The following CIPC variants were observed in gnomAD, a reference collection of about 807,000 sequenced individuals.
CIPC encodes the protein CLOCK-interacting pacemaker.
CIPC carries 12 observed loss-of-function variants against 26.7 expected under a neutral mutation model. That is an observed-to-expected ratio of 0.45 (90% CI 0.29 to 0.73). The LOEUF (loss-of-function observed/expected upper bound fraction) is 0.73, where lower values mean the gene tolerates loss of function less well. Ranked by LOEUF, CIPC falls within the 30% of genes least tolerant of loss-of-function variation. The probability of loss-of-function intolerance (pLI) is 0.12; values close to 1 mark genes in which losing one functional copy is unlikely to be tolerated. For missense variants in CIPC, 417 were observed against 486.5 expected (o/e 0.86, Z 1.34); for synonymous variants, 170 against 189.8 (o/e 0.90, Z 0.86).
intron 3 of CIPC, 65 bp from the exon 4 acceptor site, chr14:77,113,360 A>C (rs1302102419): frequency 6.3e-7 from 1 of 1,577,708 alleles, no homozygotes; most frequent in East Asian, 2.2e-5. Context: ...CCTTTGACAG[A>C]AGCTTCACTC....
rs758589499 is a variant in CIPC at position 77,116,962 on chromosome 14, T to C, written c.*2644T>C. 1 of 152,244 alleles carries C rather than the reference T, an allele frequency of 6.6e-6. No homozygotes were observed. The highest frequency in any genetic ancestry group is 1.5e-5 in the Non-Finnish European group (1 of 68,052). 9.4% of individuals were successfully genotyped at this position (152,244 alleles called of 1,614,324 possible). On this transcript the variant is annotated 3_prime_UTR_variant, in exon 4 of 4. Coordinates refer to ENST00000361786, the MANE Select transcript of CIPC (RefSeq NM_033426.3). The stretch of plus-strand genomic sequence containing the variant: ...CTCAGAGCAACCCTTAAGAGAACTT[T>C]TGGCAGATTTTGTTGGCATTATTGA...
intron 1 of CIPC, among the ~76,000 whole-genome samples, chr14:77,102,117 A>G (rs1163810134): frequency 6.6e-6 from 1 of 152,124 alleles, no homozygotes; most frequent in Non-Finnish European, 1.5e-5. Context: ...CAAAAAGAGT[A>G]TGATCTAATA....
At position 77,114,347 on chromosome 14, in the gene CIPC, G is replaced by A. The variant is rs1886766563; in HGVS notation, c.*29G>A. 3 of 1,556,386 alleles carry A rather than the reference G, an allele frequency of 1.9e-6. No individual in the cohort carries two copies. Among genetic ancestry groups the A allele is most frequent in the Admixed American group, 2.0e-5 (1 of 49,232 alleles). ...AGAGGCATATTTTCCTGTTACTTGAGTGGTTCTTTTAGCTCATTTGCTGTT... is the reference window on the plus strand; with the variant it reads ...AGAGGCATATTTTCCTGTTACTTGAATGGTTCTTTTAGCTCATTTGCTGTT... On this transcript the variant is annotated 3_prime_UTR_variant, in exon 4 of 4. Transcript: ENST00000361786.
chr14:77,110,653 T>C (rs1886680038), intron 3 of CIPC, among the ~76,000 whole-genome samples: 1 of 151,850 alleles, frequency 6.6e-6, no homozygotes, highest in Non-Finnish European at 1.5e-5. Flanking sequence ...CTCTAGTGTT[T>C]GAAACTGAGA....
chr14:77,114,269 G>A lies in CIPC; in HGVS notation c.1151G>A (p.Ser384Asn), dbSNP rs757804600. Residue 384 changes from serine to asparagine, a missense_variant, in exon 4 of 4, where the codon AGT becomes AAT. Coordinates refer to ENST00000361786, the MANE Select transcript of CIPC (RefSeq NM_033426.3). ...CAGGCATCTTTAACACCTGGGTCCA[G>A]TAATACAGGCAGTGACCTAGAAGCA... ...KLQASLTPGSSNTGSDLEAFS... is the reference protein window; with the variant it reads ...KLQASLTPGSNNTGSDLEAFS... The A allele has an allele frequency of 3.7e-6, 6 of 1,613,744 alleles. No individual in the cohort carries two copies. Among genetic ancestry groups the A allele is most frequent in the Admixed American group, 1.7e-5 (1 of 59,934 alleles).
chr14:77,112,312 G>A (rs202038788), intron 3 of CIPC, among the ~76,000 whole-genome samples: 10 of 152,218 alleles, frequency 6.6e-5, no homozygotes, highest in East Asian at 5.8e-4. Context: ...ATTAGATTTC[G>A]TCTGAATCAA....
intron 3 of CIPC, among the ~76,000 whole-genome samples, chr14:77,112,117 A>G (rs1396224162): frequency 4.6e-5 from 7 of 152,194 alleles, no homozygotes; most frequent in South Asian, 2.1e-4. Flanking sequence ...GCGCATGTAC[A>G]TGTATGGGAA....
intron 1 of CIPC, among the ~76,000 whole-genome samples, chr14:77,100,240 CTTTTTTTTTT>C (rs57785837): frequency 1.5e-5 from 2 of 130,522 alleles, no homozygotes; most frequent in African/African-American, 5.8e-5. Flanking sequence ...TTCTTTCTTT[CTTTTTTTTTT>C]TTTTTTTTTG....
intron 1 of CIPC, among the ~76,000 whole-genome samples, chr14:77,102,418 C>G (rs980035876): frequency 1.3e-5 from 2 of 152,166 alleles, no homozygotes; most frequent in African/African-American, 4.8e-5. Flanking sequence ...AAGTGCCATA[C>G]TTGGGAGTAT....
chr14:77,099,435 C>T (rs1401440630), intron 1 of CIPC, among the ~76,000 whole-genome samples: 1 of 152,178 alleles, frequency 6.6e-6, no homozygotes, highest in Non-Finnish European at 1.5e-5. Flanking sequence ...GGTTTTTCCA[C>T]TGTTAAGATA....
At position 77,113,895 on chromosome 14, in the gene CIPC, C is replaced by T. The variant is rs773721062; in HGVS notation, c.777C>T (p.Phe259=). 11 of 1,613,968 alleles carry T rather than the reference C, an allele frequency of 6.8e-6. No homozygotes were observed. The highest frequency in any genetic ancestry group is 5.3e-5 in the African/African-American group (4 of 74,924). ...SHVAKAPSLT[F]ASPASPVCAS... ...TGGCTAAAGCTCCCAGTCTGACCTT[C>T]GCTTCCCCCGCCAGTCCTGTCTGCG... Residue 259 remains phenylalanine, a synonymous_variant, in exon 4 of 4, where the codon TTC becomes TTT. Coordinates refer to ENST00000361786, the MANE Select transcript of CIPC (RefSeq NM_033426.3).
Position 77,113,480 on chromosome 14 carries a change from TCTCAG to T in CIPC, c.364_368del (p.Ser122ThrfsTer22). 1 of 1,614,180 alleles carries T rather than the reference TCTCAG, an allele frequency of 6.2e-7. No homozygotes were observed. Among genetic ancestry groups the T allele is most frequent in the Non-Finnish European group, 8.5e-7 (1 of 1,180,032 alleles). On this transcript the variant is annotated frameshift_variant, in exon 4 of 4. Coordinates refer to ENST00000361786, the MANE Select transcript of CIPC (RefSeq NM_033426.3). LOFTEE classifies it high-confidence loss of function. ...ACTGTCCAGCCCTCCTTTGAAGTGA[TCTCAG>T]CACAGCCACAGCTCTTATTCCTTCA...
chr14:77,116,046 C>T lies in CIPC; in HGVS notation c.*1728C>T, dbSNP rs750653648. The T allele has an allele frequency of 2.0e-5, 3 of 152,152 alleles. No individual in the cohort carries two copies. The highest frequency in any genetic ancestry group is 4.4e-5 in the Non-Finnish European group (3 of 68,032). 9.4% of individuals were successfully genotyped at this position (152,152 alleles called of 1,614,324 possible). ...AGACCAGAAGTTAAATATGACATTT[C>T]CTAGGTAGTTGTAACTCTAACATAG... On this transcript the variant is annotated 3_prime_UTR_variant, in exon 4 of 4. Coordinates refer to ENST00000361786, the MANE Select transcript of CIPC (RefSeq NM_033426.3).
At chr14:77,107,108 T>C (rs532523477) in intron 2 of CIPC, among the ~76,000 whole-genome samples, 1 of 152,264 alleles carries the variant, frequency 6.6e-6, no homozygotes, top group Non-Finnish European at 1.5e-5. Flanking sequence ...TGGGAAACAC[T>C]GGAGGCCTAG....
At chr14:77,112,038 A>G (rs973234591) in intron 3 of CIPC, among the ~76,000 whole-genome samples, 1 of 152,202 alleles carries the variant, frequency 6.6e-6, no homozygotes, top group African/African-American at 2.4e-5. Context: ...CAGCCTTTGC[A>G]TGGGAAATGA....
intron 2 of CIPC, among the ~76,000 whole-genome samples, chr14:77,108,700 A>G (rs1179937111): frequency 6.6e-6 from 1 of 152,136 alleles, no homozygotes; most frequent in Non-Finnish European, 1.5e-5. Context: ...TCAAAAAAAA[A>G]AAGGGGGTGA....
chr14:77,113,739 T>C lies in CIPC; in HGVS notation c.621T>C (p.Ala207=), dbSNP rs775635738. 1.2e-6 allele frequency: 2 copies of C among 1,612,648 alleles called. No individual in the cohort carries two copies. The highest frequency in any genetic ancestry group is 1.7e-5 in the Admixed American group (1 of 59,974). The change falls in exon 4 of 4, where the codon GCT becomes GCC. Residue 207 remains alanine (A), a synonymous_variant. Coordinates refer to ENST00000361786, the MANE Select transcript of CIPC (RefSeq NM_033426.3). ...CCAGTGAGCCAACCAAGGCTGGTGC[T>C]GTCCCATCCAGTCCCTCGACGCCAG... is the stretch of plus-strand genomic sequence containing the variant. ...LSSSEPTKAG[A]VPSSPSTPAP... is the part of the protein sequence containing the mutation.
chr14:77,100,488 C>T (rs757307000), intron 1 of CIPC, among the ~76,000 whole-genome samples: 6 of 151,408 alleles, frequency 4.0e-5, no homozygotes, highest in Admixed American at 6.6e-5. Flanking sequence ...GTGATCTGCC[C>T]GCCTGTGCCT....
chr14:77,109,690 A>C (rs749648717), intron 2 of CIPC, 122 bp from the exon 3 acceptor site: 1 of 839,204 alleles, frequency 1.2e-6, no homozygotes, highest in Non-Finnish European at 1.8e-6. Flanking sequence ...TTCTCAATAA[A>C]ATTCACAAAA....
Sources: allele counts gnomAD v4.1 joint callset (sites outside exome capture counted in the v4.1 genomes callset), GRCh38; gene constraint gnomAD v4.1.1; transcripts MANE v1.5; gene names NCBI Gene and HGNC (gene_info 2026-07-23, HGNC 2026-07-21).